FAM131C: variants seen among roughly 807,000 people sequenced by gnomAD.
FAM131C encodes the protein protein FAM131C.
In FAM131C, 14 loss-of-function variants were observed where a neutral mutation model predicts 29.8. That is an observed-to-expected ratio of 0.47 (90% CI 0.31 to 0.73). The LOEUF is 0.73. Ranked by LOEUF, FAM131C falls within the 30% of genes least tolerant of loss-of-function variation. FAM131C has a pLI of 0.05. For missense variants in FAM131C, 252 were observed against 383.8 expected, an observed-to-expected ratio of 0.66 and a Z score of 2.87; for synonymous variants, 86 against 157.8, an observed-to-expected ratio of 0.54 and a Z score of 3.41.
intron 1 of FAM131C, among the ~76,000 whole-genome samples, chr1:16,072,134 A>G (rs980116991): frequency 6.6e-6 from 1 of 152,188 alleles, no homozygotes; most frequent in East Asian, 1.9e-4. Context: ...CTGGATGCCC[A>G]GCATGCACAC....
intron 4 of FAM131C, among the ~76,000 whole-genome samples, chr1:16,061,846 A>G (rs1214661835): frequency 1.3e-5 from 2 of 151,496 alleles, no homozygotes; most frequent in African/African-American, 4.8e-5. Context: ...CCAGACAGAC[A>G]TCTGAAAAAC....
chr1:16,061,533 T>A (rs986475270), intron 4 of FAM131C, among the ~76,000 whole-genome samples: 1 of 152,026 alleles, frequency 6.6e-6, no homozygotes, highest in African/African-American at 2.4e-5. Context: ...GGCTACCTAG[T>A]CCTCCCCAGG....
At chr1:16,073,092 AG>A (rs1470819057) in intron 1 of FAM131C, among the ~76,000 whole-genome samples, 1 of 152,092 alleles carries the variant, frequency 6.6e-6, no homozygotes, top group Non-Finnish European at 1.5e-5. Flanking sequence ...CCGGGAAGCC[AG>A]GAAGAACCAG....
chr1:16,065,130 C>A lies in FAM131C; in HGVS notation c.23-1494G>T, dbSNP rs1267130767. On this transcript the variant is annotated intron_variant, in intron 1 of 6. Coordinates refer to ENST00000375662, the MANE Select transcript of FAM131C (RefSeq NM_182623.3). ...CTCACTTGAGCTCCCAACTGAGTTTCCAGCTCTCCACATGGATGCCCAAGG... is the reference window on the plus strand; with the variant it reads ...CTCACTTGAGCTCCCAACTGAGTTTACAGCTCTCCACATGGATGCCCAAGG... Among the ~76,000 whole-genome samples, 6 of 152,182 alleles carry A rather than the reference C, an allele frequency of 3.9e-5. No homozygotes were observed. In the East Asian group the frequency reaches 1.2e-3, roughly 29 times the overall value.
rs763735093 is a variant in FAM131C at position 16,062,090 on chromosome 1, A to G, written c.268+9T>C. 12 of 1,610,848 alleles carry G rather than the reference A, an allele frequency of 7.4e-6. No individual in the cohort carries two copies. The South Asian group carries it at 7.7e-5, about 10-fold the overall frequency. The stretch of plus-strand genomic sequence containing the variant: ...CTCCACCGGCAGGAGAGTTGCGGCC[A>G]GAACCTACCCACAAGGGACGAGGTG... On this transcript the variant is annotated intron_variant, in intron 4 of 6. Coordinates refer to ENST00000375662, the MANE Select transcript of FAM131C (RefSeq NM_182623.3).
At chr1:16,058,746 T>A (rs778119919) in intron 6 of FAM131C, 29 bp from the exon 7 acceptor site, 1 of 1,489,714 alleles carries the variant, frequency 6.7e-7, no homozygotes, top group East Asian at 2.3e-5. Context: ...GATGGGGGAA[T>A]GGCGTCCCAG....
chr1:16,062,065 C>T, intron 4 of FAM131C, 34 bp downstream of exon 4: 1 of 1,605,710 alleles, frequency 6.2e-7, no homozygotes, highest in Non-Finnish European at 8.5e-7. Context: ...ACCGTGCATT[C>T]TCCACCGGCA....
At chr1:16,071,165 G>A (rs2023744804) in intron 1 of FAM131C, among the ~76,000 whole-genome samples, 1 of 152,250 alleles carries the variant, frequency 6.6e-6, no homozygotes, top group Non-Finnish European at 1.5e-5. Context: ...GATTGCTGGT[G>A]CAGGGGCCAG....
intron 6 of FAM131C, among the ~76,000 whole-genome samples, 166 bp downstream of exon 6, chr1:16,059,328 G>A (rs1470702018): frequency 6.6e-6 from 1 of 152,054 alleles, no homozygotes; most frequent in East Asian, 1.9e-4. Flanking sequence ...TGGCACTGCC[G>A]GGCAATGGGC....
Position 16,062,175 on chromosome 1 carries a change from G to A in FAM131C, c.192C>T (p.Thr64=), listed in dbSNP as rs749270170. 2.5e-6 allele frequency: 4 copies of A among 1,611,622 alleles called. No homozygotes were observed. The highest frequency in any genetic ancestry group is 4.5e-5 in the East Asian group (2 of 44,872). ...ATCTGGAGTCGGACAGGTAGCCGTT[G>A]GTGGTCTGGAAGCACCTCTGGAGGA... The part of the protein sequence containing the change: ...WDPWQRCFQT[T]NGYLSDSRSR... The change falls in exon 4 of 7, where the codon ACC becomes ACT. Residue 64 remains threonine, a synonymous_variant. Transcript: ENST00000375662.
intron 1 of FAM131C, among the ~76,000 whole-genome samples, chr1:16,069,313 C>T (rs1162148123): frequency 6.6e-6 from 1 of 152,126 alleles, no homozygotes; most frequent in Non-Finnish European, 1.5e-5. Flanking sequence ...TGTGAGCTCC[C>T]GAAGGGCAAG....
chr1:16,064,268 G>A (rs1196619938), intron 1 of FAM131C, among the ~76,000 whole-genome samples: 2 of 152,050 alleles, frequency 1.3e-5, no homozygotes, highest in African/African-American at 2.4e-5. Flanking sequence ...CACTGCTGGG[G>A]GCTTCTGCCC....
intron 4 of FAM131C, among the ~76,000 whole-genome samples, chr1:16,061,707 G>A (rs867656186): frequency 3.9e-5 from 6 of 152,026 alleles, no homozygotes; most frequent in Middle Eastern, 6.8e-3. Context: ...TGCCTCCCCC[G>A]CTGCCTGCTG....
intron 1 of FAM131C, among the ~76,000 whole-genome samples, chr1:16,064,540 G>A (rs77839882): frequency 3.0e-4 from 46 of 152,174 alleles, no homozygotes; most frequent in Admixed American, 5.9e-4. Flanking sequence ...GCATTCAGCC[G>A]GGATCTCATA....
chr1:16,067,522 C>T (rs1238007592), intron 1 of FAM131C, among the ~76,000 whole-genome samples: 1 of 152,186 alleles, frequency 6.6e-6, no homozygotes, highest in Non-Finnish European at 1.5e-5. Context: ...CCTCTGTCCA[C>T]AAGAGTGACA....
At chr1:16,063,774 C>T (rs2023639453) in intron 1 of FAM131C, 138 bp from the exon 2 acceptor site, 6 of 590,388 alleles carry the variant, frequency 1.0e-5, no homozygotes, top group Non-Finnish European at 1.5e-5. Flanking sequence ...GACTCAAGTC[C>T]ACAGCAGGGA....
chr1:16,066,054 T>C (rs2023678797), intron 1 of FAM131C, among the ~76,000 whole-genome samples: 1 of 152,034 alleles, frequency 6.6e-6, no homozygotes, highest in Non-Finnish European at 1.5e-5. Context: ...CACCTGCTCA[T>C]TTTTATATTT....
intron 4 of FAM131C, among the ~76,000 whole-genome samples, chr1:16,060,532 A>G (rs1482215585): frequency 6.8e-6 from 1 of 146,050 alleles, no homozygotes; most frequent in Non-Finnish European, 1.5e-5. Flanking sequence ...GCTGGAGGTG[A>G]GACCTGGGTG....
chr1:16,060,763 G>T (rs2023581994), intron 4 of FAM131C, among the ~76,000 whole-genome samples: 1 of 152,190 alleles, frequency 6.6e-6, no homozygotes, highest in African/African-American at 2.4e-5. Flanking sequence ...AGCTGATCAG[G>T]GACAGAACAG....
Sources: allele counts gnomAD v4.1 joint callset (sites outside exome capture counted in the v4.1 genomes callset), GRCh38; gene constraint gnomAD v4.1.1; transcripts MANE v1.5; gene names NCBI Gene and HGNC (gene_info 2026-07-23, HGNC 2026-07-21).